The following TMEM135 variants were observed in gnomAD, a reference collection of about 807,000 sequenced individuals.
TMEM135 encodes peroxisomal membrane protein 52.
In TMEM135, 30 loss-of-function variants were observed where a neutral mutation model predicts 60.3. The ratio of observed to expected loss-of-function variants is 0.50; its 90% CI spans 0.37 to 0.68. The LOEUF (loss-of-function observed/expected upper bound fraction) is 0.68. TMEM135 is among the 30% of genes least tolerant of loss of function. TMEM135 has a pLI of 0.00. For missense variants in TMEM135, 468 were observed against 548.8 expected (o/e 0.85, Z 1.47); for synonymous variants, 190 against 186.7 (o/e 1.02, Z -0.14).
At chr11:87,275,620 A>G (rs1941953665) in intron 6 of TMEM135, among the ~76,000 whole-genome samples, 1 of 152,178 alleles carries the variant, frequency 6.6e-6, no homozygotes, top group Admixed American at 6.6e-5. Context: ...GTCTCAGAAT[A>G]AGAAAAGCCA....
chr11:87,082,043 T>C (rs1001685012), intron 3 of TMEM135, among the ~76,000 whole-genome samples: 3 of 152,220 alleles, frequency 2.0e-5, no homozygotes, highest in Non-Finnish European at 4.4e-5. Context: ...TGTTGAGAGT[T>C]GTGTATGTCT....
At chr11:87,250,413 G>A (rs1333122474) in intron 6 of TMEM135, among the ~76,000 whole-genome samples, 1 of 151,674 alleles carries the variant, frequency 6.6e-6, no homozygotes, top group Non-Finnish European at 1.5e-5. Flanking sequence ...TTTTGATGTA[G>A]GTGCTTATTA....
intron 2 of TMEM135, among the ~76,000 whole-genome samples, chr11:87,070,877 A>G (rs183894693): frequency 6.6e-6 from 1 of 152,254 alleles, no homozygotes; most frequent in Non-Finnish European, 1.5e-5. Flanking sequence ...AATGTCTACC[A>G]TGTGTTGAAA....
At chr11:87,179,501 T>C (rs371341492) in intron 5 of TMEM135, among the ~76,000 whole-genome samples, 2 of 152,214 alleles carry the variant, frequency 1.3e-5, no homozygotes, top group East Asian at 1.9e-4. Context: ...TTTAGGTCTG[T>C]GATCTGTTTT....
intron 6 of TMEM135, among the ~76,000 whole-genome samples, chr11:87,291,987 C>T (rs760403867): frequency 7.9e-5 from 12 of 152,134 alleles, no homozygotes; most frequent in East Asian, 1.9e-4. Flanking sequence ...CATTTCCTAC[C>T]GCTACTTCCC....
intron 5 of TMEM135, among the ~76,000 whole-genome samples, chr11:87,220,600 G>A (rs1261163325): frequency 6.6e-6 from 1 of 152,164 alleles, no homozygotes; most frequent in Non-Finnish European, 1.5e-5. Context: ...CTAACTTTGT[G>A]GGTGGAGACA....
At chr11:87,190,692 G>C (rs1029145649) in intron 5 of TMEM135, among the ~76,000 whole-genome samples, 1 of 152,130 alleles carries the variant, frequency 6.6e-6, no homozygotes, top group African/African-American at 2.4e-5. Flanking sequence ...GGTCCTTGGA[G>C]AGTGACCTGA....
intron 1 of TMEM135, among the ~76,000 whole-genome samples, chr11:87,061,502 A>G (rs1247427291): frequency 6.6e-6 from 1 of 152,224 alleles, no homozygotes; most frequent in African/African-American, 2.4e-5. Flanking sequence ...ACAACATAAA[A>G]TTGACTCTTA....
At chr11:87,203,228 TTTACA>T in intron 5 of TMEM135, among the ~76,000 whole-genome samples, 1 of 152,110 alleles carries the variant, frequency 6.6e-6, no homozygotes, top group East Asian at 1.9e-4. Flanking sequence ...AAGTACATAG[TTTACA>T]TTAGGGTTCA....
intron 5 of TMEM135, among the ~76,000 whole-genome samples, chr11:87,159,995 G>T (rs1430284744): frequency 6.6e-6 from 1 of 152,056 alleles, no homozygotes; most frequent in Non-Finnish European, 1.5e-5. Flanking sequence ...TAATTTATTT[G>T]TCCTAGGGCA....
intron 5 of TMEM135, among the ~76,000 whole-genome samples, chr11:87,209,986 GAC>G (rs1409286952): frequency 1.3e-5 from 2 of 152,082 alleles, no homozygotes; most frequent in Non-Finnish European, 2.9e-5. Flanking sequence ...TGAAAACAGA[GAC>G]ACAATATACC....
At chr11:87,313,253 A>G (rs1327969642) in intron 10 of TMEM135, among the ~76,000 whole-genome samples, 172 bp from the exon 11 acceptor site, 2 of 151,844 alleles carry the variant, frequency 1.3e-5, no homozygotes, top group Non-Finnish European at 2.9e-5. Flanking sequence ...ATAACTTTAT[A>G]AAATATTATT....
intron 5 of TMEM135, 90 bp from the exon 6 acceptor site, chr11:87,236,548 A>T: frequency 1.9e-6 from 2 of 1,059,064 alleles, no homozygotes; most frequent in Non-Finnish European, 2.9e-6. Context: ...TGTTTCAGGC[A>T]CAAGATTTAA....
chr11:87,152,125 G>A (rs1464568403), intron 4 of TMEM135, among the ~76,000 whole-genome samples: 1 of 152,112 alleles, frequency 6.6e-6, no homozygotes, highest in Admixed American at 6.5e-5. Flanking sequence ...GAACAAATTA[G>A]CATGTCTTCT....
At chr11:87,259,035 G>A (rs1464089768) in intron 6 of TMEM135, 60 of 1,485,078 alleles carry the variant, frequency 4.0e-5, no homozygotes, top group Non-Finnish European at 5.6e-6. Context: ...CGGCTGCCCT[G>A]GGAAACCTGT....
At position 87,323,999 on chromosome 11, in the gene TMEM135, T is replaced by C. The variant is rs1357211947; in HGVS notation, c.*2666T>C. Reference sequence around the variant, plus strand: ...TTGTTATTTAATTTAGAATTTTATATTTTTTTGGCTCTCAGATTTTATAAT... The same window carrying C: ...TTGTTATTTAATTTAGAATTTTATACTTTTTTGGCTCTCAGATTTTATAAT... On this transcript the variant is annotated 3_prime_UTR_variant, in exon 15 of 15. Transcript: ENST00000305494. The C allele has an allele frequency of 2.2e-6, 1 of 453,638 alleles. No individual in the cohort carries two copies. Among genetic ancestry groups the C allele is most frequent in the Non-Finnish European group, 4.4e-6 (1 of 226,748 alleles). The allele number at this position is 453,638 out of a possible 1,614,324, so 28.1% of individuals were successfully genotyped here.
chr11:87,328,218 C>T lies in TMEM135; in HGVS notation c.*6885C>T. ...GTTTCATTTCCCATTATATCCTTCT[C>T]TCTCTTGATTTAGAATTCTCTTTTT... On this transcript the variant is annotated 3_prime_UTR_variant, in exon 15 of 15. Transcript: ENST00000305494. 1 of 454,060 alleles carries T rather than the reference C, an allele frequency of 2.2e-6. No individual in the cohort carries two copies. The highest frequency in any genetic ancestry group is 4.4e-6 in the Non-Finnish European group (1 of 226,788). 28.1% of individuals were successfully genotyped at this position (454,060 alleles called of 1,614,324 possible).
chr11:87,138,867 G>A (rs1424135852), intron 4 of TMEM135, among the ~76,000 whole-genome samples: 2 of 152,146 alleles, frequency 1.3e-5, no homozygotes, highest in Non-Finnish European at 2.9e-5. Flanking sequence ...ATCAAGTTAA[G>A]TGTATACTAG....
At chr11:87,088,365 T>C (rs1007255664) in intron 3 of TMEM135, among the ~76,000 whole-genome samples, 15 of 152,170 alleles carry the variant, frequency 9.9e-5, no homozygotes, top group African/African-American at 3.1e-4. Context: ...TGGATTCTTA[T>C]TGCAGTGATA....
Sources: gnomAD v4.1 joint callset for allele counts (sites outside exome capture counted in the v4.1 genomes callset) on GRCh38, gnomAD v4.1.1 for gene constraint, MANE v1.5 for transcripts, NCBI Gene and HGNC (gene_info 2026-07-23, HGNC 2026-07-21) for gene names.